Variants in KLHL8 observed in about 807,000 individuals in gnomAD.
The protein encoded by KLHL8 is kelch-like protein 8.
A neutral mutation model predicts 63.5 loss-of-function variants in KLHL8; 38 were observed. That is an observed-to-expected ratio of 0.60 (90% confidence interval 0.46 to 0.78). KLHL8 has a LOEUF of 0.78. Among genes scored for constraint, KLHL8 ranks in the 30% least tolerant of loss-of-function variants. KLHL8 has a pLI of 0.00. For missense variants in KLHL8, 566 were observed against 752.4 expected, an observed-to-expected ratio of 0.75 and a Z score of 2.90; for synonymous variants, 224 against 254.3, an observed-to-expected ratio of 0.88 and a Z score of 1.13.
At chr4:87,210,109 C>T (rs1268303516) in intron 1 of KLHL8, among the ~76,000 whole-genome samples, 3 of 151,996 alleles carry the variant, frequency 2.0e-5, no homozygotes, top group South Asian at 2.1e-4. Context: ...CTGCCGGCTT[C>T]GGACTACCAA....
chr4:87,215,207 C>T (rs1732552171), intron 1 of KLHL8, among the ~76,000 whole-genome samples: 1 of 152,112 alleles, frequency 6.6e-6, no homozygotes, highest in Non-Finnish European at 1.5e-5. Context: ...TTTTGTTTTC[C>T]ATATCTAATT....
chr4:87,185,658 C>T lies in KLHL8; in HGVS notation c.358G>A (p.Asp120Asn). Reference sequence around the variant, plus strand: ...GAAGAATAGACAAACTTTACCAAGTCTTCTATTGCATCACCATCAAAATCT... The same window carrying T: ...GAAGAATAGACAAACTTTACCAAGTTTTCTATTGCATCACCATCAAAATCT... ...IRDFDGDAIE[D>N]LVKFVYSSRL... is the part of the protein sequence containing the mutation. The change falls in exon 3 of 10, where the codon GAC (aspartate) becomes AAC (asparagine). Residue 120 changes from aspartate (D) to asparagine (N), a missense_variant. By Grantham distance (23) the Asp-to-Asn change is conservative. Transcript: ENST00000273963. The T allele has an allele frequency of 6.2e-7, 1 of 1,614,172 alleles. No individual in the cohort carries two copies. Among genetic ancestry groups the T allele is most frequent in the Non-Finnish European group, 8.5e-7 (1 of 1,180,034 alleles).
intron 1 of KLHL8, among the ~76,000 whole-genome samples, chr4:87,233,839 C>T (rs1052123819): frequency 2.6e-5 from 4 of 151,924 alleles, no homozygotes; most frequent in African/African-American, 9.7e-5. Context: ...TTTCTTTTTT[C>T]ATTCTTTGAT....
intron 1 of KLHL8, chr4:87,206,968 G>A (rs905665677): frequency 1.9e-5 from 5 of 269,146 alleles, no homozygotes; most frequent in African/African-American, 9.1e-5. Flanking sequence ...GAATTAACAC[G>A]ATCTCTATGG....
intron 1 of KLHL8, among the ~76,000 whole-genome samples, chr4:87,217,032 T>C (rs1334973980): frequency 6.6e-6 from 1 of 152,150 alleles, no homozygotes; most frequent in African/African-American, 2.4e-5. Context: ...AATAGAGAAT[T>C]GTGTAGTACC....
intron 7 of KLHL8, 93 bp from the exon 8 acceptor site, chr4:87,170,331 A>T: frequency 6.9e-7 from 1 of 1,441,392 alleles, no homozygotes; most frequent in Non-Finnish European, 9.4e-7. Context: ...GCAGTATTTC[A>T]GGAAATAATA....
chr4:87,207,620 A>G, intron 1 of KLHL8: 2 of 1,232,604 alleles, frequency 1.6e-6, no homozygotes, highest in South Asian at 2.4e-5. Flanking sequence ...ACTACAGTCC[A>G]TGCCATCACT....
intron 3 of KLHL8, 44 bp from the exon 4 acceptor site, chr4:87,183,433 T>C: frequency 7.2e-7 from 1 of 1,393,064 alleles, no homozygotes; most frequent in East Asian, 2.5e-5. Context: ...TTATATTTTC[T>C]TGGGAAAATA....
chr4:87,197,035 T>C (rs185785770), intron 1 of KLHL8, among the ~76,000 whole-genome samples: 1 of 152,356 alleles, frequency 6.6e-6, no homozygotes, highest in African/African-American at 2.4e-5. Context: ...TTCTTTATTG[T>C]TAATCTCATC....
At chr4:87,218,463 C>T (rs1017245078) in intron 1 of KLHL8, among the ~76,000 whole-genome samples, 1 of 152,030 alleles carries the variant, frequency 6.6e-6, no homozygotes, top group African/African-American at 2.4e-5. Flanking sequence ...TTGATCCGCC[C>T]GCCTCGGCCT....
intron 1 of KLHL8, among the ~76,000 whole-genome samples, chr4:87,199,111 G>A (rs925654609): frequency 1.3e-5 from 2 of 151,978 alleles, no homozygotes; most frequent in East Asian, 3.9e-4. Context: ...CCTACTTTAA[G>A]TATAAAGACA....
intron 2 of KLHL8, among the ~76,000 whole-genome samples, chr4:87,192,671 T>C (rs957240481): frequency 1.3e-5 from 2 of 152,168 alleles, no homozygotes; most frequent in Admixed American, 1.3e-4. Flanking sequence ...TTCTGAGAAA[T>C]GTGTCAGGTG....
chr4:87,196,153 GTTT>G (rs11416450), intron 1 of KLHL8, among the ~76,000 whole-genome samples: 1 of 145,776 alleles, frequency 6.9e-6, no homozygotes, highest in South Asian at 2.2e-4. Context: ...TTAACTGGGA[GTTT>G]TTTTTTTTTT....
chr4:87,187,625 T>C (rs1331676318), intron 2 of KLHL8, among the ~76,000 whole-genome samples: 1 of 152,062 alleles, frequency 6.6e-6, no homozygotes, highest in Non-Finnish European at 1.5e-5. Context: ...TTTTTATTTA[T>C]TGTTTTAGGT....
intron 1 of KLHL8, among the ~76,000 whole-genome samples, chr4:87,215,740 T>C (rs1732570726): frequency 6.6e-6 from 1 of 152,152 alleles, no homozygotes; most frequent in Non-Finnish European, 1.5e-5. Context: ...TATGTCCGAT[T>C]CAGAAATTCA....
At chr4:87,217,995 T>G (rs972249985) in intron 1 of KLHL8, among the ~76,000 whole-genome samples, 2 of 152,218 alleles carry the variant, frequency 1.3e-5, no homozygotes, top group Admixed American at 1.3e-4. Flanking sequence ...ACAAAAGGGT[T>G]ATTTGTCCAA....
intron 2 of KLHL8, among the ~76,000 whole-genome samples, chr4:87,189,075 C>T (rs1368018962): frequency 6.6e-6 from 1 of 152,042 alleles, no homozygotes; most frequent in Non-Finnish European, 1.5e-5. Flanking sequence ...GGTGCATAGT[C>T]GAAAATTATT....
At chr4:87,168,712 A>G (rs150714170) in intron 8 of KLHL8, among the ~76,000 whole-genome samples, 295 of 143,318 alleles carry the variant, frequency 2.1e-3, no homozygotes, top group African/African-American at 6.6e-3. Flanking sequence ...ATATATGTGT[A>G]TATATATACG....
intron 6 of KLHL8, 47 bp from the exon 7 acceptor site, chr4:87,170,662 GAA>G (rs760712758): frequency 2.6e-6 from 4 of 1,528,414 alleles, no homozygotes; most frequent in South Asian, 1.2e-5. Context: ...TTGTTTCCAG[GAA>G]AAAAAGTCAT....
Sources: allele counts gnomAD v4.1 joint callset (sites outside exome capture counted in the v4.1 genomes callset), GRCh38; gene constraint gnomAD v4.1.1; transcripts MANE v1.5; gene names NCBI Gene and HGNC (gene_info 2026-07-23, HGNC 2026-07-21).